PARD3B: variants seen among roughly 807,000 people sequenced by gnomAD.
The protein encoded by PARD3B is par-3 family cell polarity regulator beta, also known as partitioning defective 3 homolog B.
PARD3B carries 103 observed loss-of-function variants against 130.2 expected under a neutral mutation model. The observed-to-expected ratio is 0.79, with a 90% CI of 0.67 to 0.93. The LOEUF is 0.93. Ranked by LOEUF, PARD3B falls within the 40% of genes least tolerant of loss-of-function variation. PARD3B has a pLI of 0.00. For synonymous variants in PARD3B, 583 were observed against 553.2 expected (o/e 1.05, Z -0.76); for missense variants, 1,609 against 1,499.2 (o/e 1.07, Z -1.21).
chr2:204,988,409 G>C (rs981574995), intron 3 of PARD3B, among the ~76,000 whole-genome samples: 9 of 152,036 alleles, frequency 5.9e-5, no homozygotes, highest in South Asian at 2.1e-4. Flanking sequence ...GAATGAATAA[G>C]ACATAGAATG....
intron 11 of PARD3B, among the ~76,000 whole-genome samples, 170 bp from the exon 12 acceptor site, chr2:205,172,041 A>G (rs1215172823): frequency 6.6e-6 from 1 of 152,188 alleles, no homozygotes; most frequent in Non-Finnish European, 1.5e-5. Flanking sequence ...ATTTGTGACT[A>G]TTTGATAAGC....
intron 18 of PARD3B, among the ~76,000 whole-genome samples, chr2:205,399,317 G>GTTT (rs1490151805): frequency 6.6e-6 from 1 of 151,680 alleles, no homozygotes; most frequent in African/African-American, 2.4e-5. Flanking sequence ...AGTTTTTTTT[G>GTTT]TTTTGTTTTG....
chr2:205,197,973 A>G (rs1227260105), intron 15 of PARD3B, among the ~76,000 whole-genome samples: 3 of 152,198 alleles, frequency 2.0e-5, no homozygotes, highest in Non-Finnish European at 2.9e-5. Flanking sequence ...AGTTACATTC[A>G]AAGACTTTTT....
Position 205,528,109 on chromosome 2 carries a change from T to C in PARD3B, c.3181-25215T>C, listed in dbSNP as rs2051416644. Among the ~76,000 whole-genome samples, 3 of 152,148 alleles carry C rather than the reference T, an allele frequency of 2.0e-5. No individual in the cohort carries two copies. The South Asian group carries it at 6.2e-4, about 32-fold the overall frequency. On this transcript the variant is annotated intron_variant, in intron 21 of 22. Coordinates refer to ENST00000406610, the MANE Select transcript of PARD3B (RefSeq NM_001302769.2). ...GCTAGGTTAGACAGCATCCCATTGG[T>C]CTTCCTGGTAAGAGGTTGTGCTCAC...
chr2:205,355,486 C>A (rs2044159099), intron 18 of PARD3B, among the ~76,000 whole-genome samples: 1 of 151,880 alleles, frequency 6.6e-6, no homozygotes, highest in South Asian at 2.1e-4. Context: ...GATAAATAAT[C>A]ATGTTTTGAG....
chr2:205,078,712 G>C lies in PARD3B; in HGVS notation c.505-25714G>C, dbSNP rs959200150. Among the ~76,000 whole-genome samples the C allele has an allele frequency of 6.6e-6, 1 of 152,110 alleles. No individual in the cohort carries two copies. Among genetic ancestry groups the C allele is most frequent in the Non-Finnish European group, 1.5e-5 (1 of 68,016 alleles). ...CAGTGACTTAATTGAAAATCATAGC[G>C]TGCAGCAGACATTGTGTGACTTCTG... On this transcript the variant is annotated intron_variant, in intron 4 of 22. Transcript: ENST00000406610. This position sits in a 1 kb window ranked among gnomAD's most constrained non-coding sequence, Gnocchi z 4.0.
chr2:205,470,987 G>T lies in PARD3B; in HGVS notation c.3045-28909G>T, dbSNP rs2048805626. Among the ~76,000 whole-genome samples, 1 of 152,206 alleles carries T rather than the reference G, an allele frequency of 6.6e-6. No individual in the cohort carries two copies. The highest frequency in any genetic ancestry group is 1.5e-5 in the Non-Finnish European group (1 of 68,042). Reference sequence around the variant, plus strand: ...ATGATGTGAATCAGACATCAGAAGGGAGAATCAATTCTTGCAGTCTGATGT... The same window carrying T: ...ATGATGTGAATCAGACATCAGAAGGTAGAATCAATTCTTGCAGTCTGATGT... On this transcript the variant is annotated intron_variant, in intron 20 of 22. Transcript: ENST00000406610. The surrounding 1 kb of genome is among the most constrained non-coding windows in gnomAD (Gnocchi z 4.8).
intron 4 of PARD3B, among the ~76,000 whole-genome samples, chr2:205,055,299 C>T (rs1191883349): frequency 6.6e-6 from 1 of 152,118 alleles, no homozygotes; most frequent in Non-Finnish European, 1.5e-5. Flanking sequence ...AATTTTCCTC[C>T]TAGTCCATCT....
At chr2:205,267,991 A>G (rs1294787601) in intron 16 of PARD3B, among the ~76,000 whole-genome samples, 1 of 152,318 alleles carries the variant, frequency 6.6e-6, no homozygotes, top group East Asian at 1.9e-4. Context: ...ATATGGCACC[A>G]ACTCTATTGG....
At position 205,589,588 on chromosome 2, in the gene PARD3B, T is replaced by G. The variant is rs1173008903; in HGVS notation, c.3261-25868T>G. ...GGTACCTTCCTTTTTATTTACTCCC[T>G]TGGGTCTGAGCAGGCAAGACTTGTC... On this transcript the variant is annotated intron_variant, in intron 22 of 22. Coordinates refer to ENST00000406610, the MANE Select transcript of PARD3B (RefSeq NM_001302769.2). The surrounding 1 kb of genome is among the most constrained non-coding windows in gnomAD (Gnocchi z 4.1). 3.3e-5 allele frequency among the ~76,000 whole-genome samples: 5 copies of G among 152,216 alleles called. No individual in the cohort carries two copies. The highest frequency in any genetic ancestry group is 6.5e-5 in the Admixed American group (1 of 15,290).
At chr2:204,846,315 C>A (rs1575121259) in intron 2 of PARD3B, among the ~76,000 whole-genome samples, 1 of 151,986 alleles carries the variant, frequency 6.6e-6, no homozygotes, top group African/African-American at 2.4e-5. Context: ...ATTGCTAAAG[C>A]CTTTTTGGTA....
chr2:205,377,451 C>T (rs1034681537), intron 18 of PARD3B, among the ~76,000 whole-genome samples: 3 of 152,026 alleles, frequency 2.0e-5, no homozygotes, highest in Admixed American at 6.6e-5. Flanking sequence ...GTGTTAGAAA[C>T]TGGGTCAGCA....
At chr2:204,939,058 G>GAA (rs377542528) in intron 2 of PARD3B, among the ~76,000 whole-genome samples, 33 of 152,232 alleles carry the variant, frequency 2.2e-4, no homozygotes, top group South Asian at 1.0e-3. Flanking sequence ...TACTCATTAG[G>GAA]AAAATGAGTA....
rs1169879884 is a variant in PARD3B at position 205,572,448 on chromosome 2, T to C, written c.3260+19045T>C. ...AGCCCCTTGATAATTTCATGGAAAA[T>C]AAATTGGAGAGACAGGCCGGGTGCG... On this transcript the variant is annotated intron_variant, in intron 22 of 22. Coordinates refer to ENST00000406610, the MANE Select transcript of PARD3B (RefSeq NM_001302769.2). This position sits in a 1 kb window ranked among gnomAD's most constrained non-coding sequence, Gnocchi z 4.2. 6.6e-6 allele frequency among the ~76,000 whole-genome samples: 1 copy of C among 151,996 alleles called. No individual in the cohort carries two copies. The highest frequency in any genetic ancestry group is 1.5e-5 in the Non-Finnish European group (1 of 68,002).
chr2:204,886,331 A>G (rs181620171), intron 2 of PARD3B, among the ~76,000 whole-genome samples: 1 of 152,310 alleles, frequency 6.6e-6, no homozygotes, highest in Admixed American at 6.5e-5. Context: ...CACACCATCC[A>G]TCATAGCATA....
At chr2:204,918,185 C>A (rs563899277) in intron 2 of PARD3B, among the ~76,000 whole-genome samples, 2 of 152,138 alleles carry the variant, frequency 1.3e-5, no homozygotes, top group Non-Finnish European at 2.9e-5. Context: ...TCAAATTTCT[C>A]CTTTGAGGAC....
intron 2 of PARD3B, among the ~76,000 whole-genome samples, chr2:204,929,509 A>C (rs895594693): frequency 6.6e-6 from 1 of 152,192 alleles, no homozygotes; most frequent in Non-Finnish European, 1.5e-5. Context: ...TTTAAGTACC[A>C]AAATGAAATA....
chr2:204,811,157 T>C (rs1177858022), intron 2 of PARD3B, among the ~76,000 whole-genome samples: 2 of 152,136 alleles, frequency 1.3e-5, no homozygotes, highest in African/African-American at 4.8e-5. Context: ...AGTGGTAACA[T>C]ACCCTTTGTT....
intron 18 of PARD3B, among the ~76,000 whole-genome samples, chr2:205,313,385 A>G (rs1038863457): frequency 1.3e-5 from 2 of 152,164 alleles, no homozygotes; most frequent in African/African-American, 4.8e-5. Context: ...TTTTTTGAGC[A>G]CATGTTCATG....
Sources: allele counts gnomAD v4.1 joint callset (sites outside exome capture counted in the v4.1 genomes callset), GRCh38; gene constraint gnomAD v4.1.1; non-coding constraint Gnocchi (gnomAD v3.1); transcripts MANE v1.5; gene names NCBI Gene and HGNC (gene_info 2026-07-23, HGNC 2026-07-21).